Variants in DPP6 observed in about 807,000 individuals in gnomAD.
DPP6 encodes dipeptidyl peptidase like 6, also known as A-type potassium channel modulatory protein DPP6.
In DPP6, 69 loss-of-function variants were observed where a neutral mutation model predicts 122.6. The ratio of observed to expected loss-of-function variants is 0.56; its 90% confidence interval spans 0.46 to 0.69. DPP6 has a LOEUF of 0.69. Ranked by LOEUF, DPP6 falls within the 30% of genes least tolerant of loss-of-function variation. The probability of loss-of-function intolerance (pLI) is 0.00; values close to 1 mark genes in which losing one functional copy is unlikely to be tolerated. For synonymous variants in DPP6, 418 were observed against 433.1 expected, an observed-to-expected ratio of 0.97 and a Z score of 0.43; for missense variants, 928 against 1,116.9, an observed-to-expected ratio of 0.83 and a Z score of 2.41.
chr7:154,852,500 G>GCCTCTCCTGCCTCTCCTCCCTCTCCTC (rs147793386), intron 16 of DPP6, among the ~76,000 whole-genome samples: 2,668 of 143,894 alleles, frequency 0.019, 64 homozygotes, highest in African/African-American at 0.053. Context: ...TGCCTCTCCT[G>GCCTCTCCTGCCTCTCCTCCCTCTCCTC]CCTCTCCTCC....
rs778682118 is a variant in DPP6 at position 154,795,795 on chromosome 7, AAGAAAAG to A, written c.1261-48_1261-42del. 8.2e-4 allele frequency: 552 copies of A among 671,032 alleles called. 2 individuals are homozygous for A. The highest frequency in any genetic ancestry group is 4.6e-3 in the Middle Eastern group (10 of 2,168). The allele number at this position is 671,032 out of a possible 1,614,324, so 41.6% of individuals were successfully genotyped here. On this transcript the variant is annotated intron_variant, in intron 11 of 25. Coordinates refer to ENST00000377770, the MANE Select transcript of DPP6 (RefSeq NM_130797.4). Reference sequence around the variant, plus strand: ...AGACACAATACATGCAAAAAAAAAAAAGAAAAGAAAAGAAAAACCCTCTTGTCTAATG... The same window carrying A: ...AGACACAATACATGCAAAAAAAAAAAAAAAGAAAAACCCTCTTGTCTAATG...
intron 1 of DPP6, among the ~76,000 whole-genome samples, chr7:154,314,694 T>C (rs1040693227): frequency 6.6e-6 from 1 of 151,806 alleles, no homozygotes; most frequent in Admixed American, 6.6e-5. Context: ...AGAGGTTGAG[T>C]AAATTACCAA....
intron 1 of DPP6, among the ~76,000 whole-genome samples, chr7:154,117,206 T>A (rs1807052267): frequency 6.6e-6 from 1 of 152,186 alleles, no homozygotes; most frequent in South Asian, 2.1e-4. Flanking sequence ...ATTTAAATTT[T>A]AAATACAAGT....
intron 4 of DPP6, among the ~76,000 whole-genome samples, chr7:154,565,033 G>A (rs1434508218): frequency 2.0e-5 from 3 of 152,206 alleles, no homozygotes; most frequent in African/African-American, 7.2e-5. Context: ...AGGGCAAGAA[G>A]GCTGTGAACG....
chr7:154,386,262 C>T (rs1814100563), intron 1 of DPP6, among the ~76,000 whole-genome samples: 1 of 152,134 alleles, frequency 6.6e-6, no homozygotes, highest in Admixed American at 6.5e-5. Context: ...CCCATATTGA[C>T]CAGGAGCACC....
At chr7:153,930,141 C>T (rs1249569507) in intron 1 of DPP6, among the ~76,000 whole-genome samples, 1 of 152,220 alleles carries the variant, frequency 6.6e-6, no homozygotes, top group Non-Finnish European at 1.5e-5. Context: ...CCATTTCTTG[C>T]TGGCTACAGT....
intron 1 of DPP6, among the ~76,000 whole-genome samples, chr7:153,935,604 A>C (rs1431623092): frequency 4.6e-5 from 7 of 152,148 alleles, no homozygotes; most frequent in Non-Finnish European, 8.8e-5. Flanking sequence ...TGCTTGGTAC[A>C]TGTCATTTTG....
chr7:154,523,239 G>A (rs781041053), intron 3 of DPP6, among the ~76,000 whole-genome samples: 3 of 152,090 alleles, frequency 2.0e-5, no homozygotes, highest in Non-Finnish European at 4.4e-5. Context: ...TTTTGAGACG[G>A]AGTCTTACCC....
chr7:154,889,868 G>T, intron 25 of DPP6: 1 of 306,480 alleles, frequency 3.3e-6, no homozygotes. Flanking sequence ...CTATCCCGCT[G>T]CGGAGAGTGG....
chr7:154,056,872 T>G (rs60220226), intron 1 of DPP6, among the ~76,000 whole-genome samples: 2 of 152,248 alleles, frequency 1.3e-5, no homozygotes, highest in Admixed American at 1.3e-4. Flanking sequence ...TTACTTTTCT[T>G]CTGTTTCAAC....
chr7:154,163,247 T>C lies in DPP6; in HGVS notation c.243+110184T>C, dbSNP rs534421638. ...AATGGAACTTGACATCCAGAATTTA[T>C]GCGTTGCTAGTGTTGAGTAGAACTC... On this transcript the variant is annotated intron_variant, in intron 1 of 25. Coordinates refer to ENST00000377770, the MANE Select transcript of DPP6 (RefSeq NM_130797.4). Among the ~76,000 whole-genome samples, 1,319 of 152,246 alleles carry C rather than the reference T, an allele frequency of 8.7e-3. 23 individuals carry two copies. The highest frequency in any genetic ancestry group is 0.028 in the African/African-American group (1,170 of 41,546).
At chr7:154,672,737 A>G (rs1276817423) in intron 7 of DPP6, among the ~76,000 whole-genome samples, 1 of 152,222 alleles carries the variant, frequency 6.6e-6, no homozygotes, top group Non-Finnish European at 1.5e-5. Flanking sequence ...TTAAGACGCA[A>G]TATAGCTCAT....
chr7:154,206,934 G>C (rs1355151742), intron 1 of DPP6, among the ~76,000 whole-genome samples: 2 of 152,232 alleles, frequency 1.3e-5, no homozygotes, highest in Non-Finnish European at 2.9e-5. Context: ...GGTGTAGCTA[G>C]AGCATTCATG....
At chr7:153,901,281 C>T (rs1323649404) in intron 1 of DPP6, among the ~76,000 whole-genome samples, 1 of 151,968 alleles carries the variant, frequency 6.6e-6, no homozygotes. Flanking sequence ...TTAGGTCCAC[C>T]CTGCAAATAT....
At chr7:153,786,811 T>C in the DPP6 span, among the ~76,000 whole-genome samples, 11 of 139,074 alleles carry the variant, frequency 7.9e-5, no homozygotes, top group African/African-American at 2.6e-4. Context: ...ATTCTTTTTA[T>C]ATGTATACTA....
chr7:154,646,219 T>C (rs1376912058), intron 6 of DPP6, among the ~76,000 whole-genome samples: 1 of 152,002 alleles, frequency 6.6e-6, no homozygotes, highest in Non-Finnish European at 1.5e-5. Context: ...CATTTAAAAA[T>C]AGACTAAAAC....
At chr7:153,839,453 T>C in the DPP6 span, among the ~76,000 whole-genome samples, 1 of 152,172 alleles carries the variant, frequency 6.6e-6, no homozygotes, top group African/African-American at 2.4e-5. Context: ...GTTCAGCTGA[T>C]GGACCCTGAA....
At chr7:154,878,282 G>A (rs1431729811) in intron 20 of DPP6, among the ~76,000 whole-genome samples, 5 of 152,296 alleles carry the variant, frequency 3.3e-5, no homozygotes, top group African/African-American at 7.2e-5. Flanking sequence ...ACACACACAC[G>A]TCGTGCCCTA....
chr7:154,522,146 T>C (rs1483356184), intron 3 of DPP6, among the ~76,000 whole-genome samples: 1 of 151,930 alleles, frequency 6.6e-6, no homozygotes, highest in Non-Finnish European at 1.5e-5. Context: ...GTTGTTGTTG[T>C]TGTATGTTTA....
Sources: allele counts gnomAD v4.1 joint callset (sites outside exome capture counted in the v4.1 genomes callset), GRCh38; gene constraint gnomAD v4.1.1; transcripts MANE v1.5; gene names NCBI Gene and HGNC (gene_info 2026-07-23, HGNC 2026-07-21).